The following MAPK4 variants were observed in gnomAD, a reference collection of about 807,000 sequenced individuals.
MAPK4 encodes the protein Erk3-related.
In MAPK4, 22 loss-of-function variants were observed where a neutral mutation model predicts 47.7. The observed-to-expected ratio is 0.46, with a 90% CI of 0.33 to 0.66. The LOEUF is 0.66. Among genes scored for constraint, MAPK4 ranks in the 30% least tolerant of loss-of-function variants. The probability of loss-of-function intolerance (pLI) is 0.02; values close to 1 mark genes in which losing one functional copy is unlikely to be tolerated. For missense variants in MAPK4, 736 were observed against 831.7 expected (o/e 0.88, Z 1.42); for synonymous variants, 390 against 365.7 (o/e 1.07, Z -0.76).
chr18:50,726,358 T>C (rs755037220), intron 5 of MAPK4, among the ~76,000 whole-genome samples, 183 bp downstream of exon 5: 1 of 152,024 alleles, frequency 6.6e-6, no homozygotes, highest in East Asian at 1.9e-4. Context: ...CCAGTGTGAG[T>C]TGCATGTGTG....
intron 1 of MAPK4, among the ~76,000 whole-genome samples, chr18:50,660,275 C>T (rs2043156030): frequency 6.6e-6 from 1 of 152,156 alleles, no homozygotes; most frequent in Admixed American, 6.5e-5. Flanking sequence ...GATTAGAGCA[C>T]TGAAACTCTA....
intron 4 of MAPK4, among the ~76,000 whole-genome samples, chr18:50,725,531 G>C (rs1156529861): frequency 1.3e-5 from 2 of 152,208 alleles, no homozygotes; most frequent in Non-Finnish European, 2.9e-5. Context: ...AACCACCTCT[G>C]AGTGTGGCCC....
intron 2 of MAPK4, among the ~76,000 whole-genome samples, chr18:50,685,476 C>T (rs1184571041): frequency 6.6e-6 from 1 of 152,220 alleles, no homozygotes; most frequent in Non-Finnish European, 1.5e-5. Flanking sequence ...CCAATGGACA[C>T]ATCTGCTTTA....
chr18:50,671,099 G>A (rs1391326431), intron 2 of MAPK4, among the ~76,000 whole-genome samples: 1 of 152,230 alleles, frequency 6.6e-6, no homozygotes, highest in Non-Finnish European at 1.5e-5. Context: ...ACACAGGTGT[G>A]TCTGAAGCAG....
At chr18:50,639,896 C>A (rs1202280243) in intron 1 of MAPK4, among the ~76,000 whole-genome samples, 1 of 152,228 alleles carries the variant, frequency 6.6e-6, no homozygotes, top group African/African-American at 2.4e-5. Context: ...TATTTATATA[C>A]TCTTCGCTCG....
chr18:50,714,358 G>C (rs748249887), intron 2 of MAPK4, among the ~76,000 whole-genome samples: 3 of 151,948 alleles, frequency 2.0e-5, no homozygotes, highest in Non-Finnish European at 2.9e-5. Context: ...ATATGTCCTC[G>C]CTATATACCA....
chr18:50,723,368 G>A (rs1911029073), intron 4 of MAPK4, among the ~76,000 whole-genome samples: 1 of 152,154 alleles, frequency 6.6e-6, no homozygotes. Flanking sequence ...CAGGCACACA[G>A]CCATTTCTCA....
At chr18:50,574,707 C>A (rs901850265) in intron 1 of MAPK4, among the ~76,000 whole-genome samples, 4 of 152,134 alleles carry the variant, frequency 2.6e-5, no homozygotes, top group Admixed American at 6.5e-5. Flanking sequence ...GCTTATTTTT[C>A]CAAGTTTTAA....
intron 1 of MAPK4, among the ~76,000 whole-genome samples, chr18:50,649,213 G>A (rs1181628834): frequency 6.6e-6 from 1 of 152,154 alleles, no homozygotes; most frequent in African/African-American, 2.4e-5. Flanking sequence ...GGCTTTCTGA[G>A]GCTAGGCCCC....
intron 2 of MAPK4, chr18:50,669,810 T>C (rs532060545): frequency 6.6e-6 from 1 of 152,352 alleles, no homozygotes; most frequent in East Asian, 1.9e-4. Flanking sequence ...CCTCATTCTA[T>C]CTCTCTAAGG....
chr18:50,578,086 A>T (rs1001866660), intron 1 of MAPK4, among the ~76,000 whole-genome samples: 1 of 152,176 alleles, frequency 6.6e-6, no homozygotes, highest in Non-Finnish European at 1.5e-5. Context: ...CACAGACTGC[A>T]TGTGTTGCCT....
At chr18:50,600,376 T>A (rs1164661664) in intron 1 of MAPK4, among the ~76,000 whole-genome samples, 1 of 152,218 alleles carries the variant, frequency 6.6e-6, no homozygotes, top group African/African-American at 2.4e-5. Flanking sequence ...TCTGATTGGT[T>A]GAAGGCATTC....
intron 1 of MAPK4, among the ~76,000 whole-genome samples, chr18:50,603,173 A>G (rs534763772): frequency 6.6e-6 from 1 of 152,132 alleles, no homozygotes; most frequent in African/African-American, 2.4e-5. Context: ...CCCATGGGCC[A>G]TGACCACTGG....
intron 1 of MAPK4, among the ~76,000 whole-genome samples, chr18:50,640,400 A>AT (rs2042929902): frequency 6.7e-6 from 1 of 149,678 alleles, no homozygotes; most frequent in East Asian, 1.9e-4. Context: ...AAAAAAAAAA[A>AT]TTATATGGAT....
intron 1 of MAPK4, among the ~76,000 whole-genome samples, chr18:50,607,122 T>G (rs376497233): frequency 1.3e-5 from 2 of 152,206 alleles, no homozygotes; most frequent in East Asian, 3.8e-4. Context: ...CACCATTCTC[T>G]TAGTCCTCAT....
chr18:50,575,775 T>G (rs1003453168), intron 1 of MAPK4, among the ~76,000 whole-genome samples: 6 of 130,012 alleles, frequency 4.6e-5, no homozygotes, highest in Non-Finnish European at 9.6e-5. Context: ...TATTAGGAAC[T>G]TAAATGAATC....
At chr18:50,626,200 T>C (rs1460036494) in intron 1 of MAPK4, among the ~76,000 whole-genome samples, 1 of 152,176 alleles carries the variant, frequency 6.6e-6, no homozygotes, top group East Asian at 1.9e-4. Flanking sequence ...GCAAATCTCA[T>C]CCAAAAACAT....
intron 1 of MAPK4, among the ~76,000 whole-genome samples, chr18:50,575,642 A>G (rs2149360284): frequency 6.6e-6 from 1 of 152,282 alleles, no homozygotes; most frequent in East Asian, 1.9e-4. Flanking sequence ...AATGGAACCT[A>G]ATTAAACTAA....
At chr18:50,647,300 A>G (rs954135431) in intron 1 of MAPK4, among the ~76,000 whole-genome samples, 2 of 152,216 alleles carry the variant, frequency 1.3e-5, no homozygotes, top group Non-Finnish European at 2.9e-5. Context: ...TTTATTGAAA[A>G]TGGTCTGTAA....
Sources: gnomAD v4.1 joint callset for allele counts (sites outside exome capture counted in the v4.1 genomes callset) on GRCh38, gnomAD v4.1.1 for gene constraint, MANE v1.5 for transcripts, NCBI Gene and HGNC (gene_info 2026-07-23, HGNC 2026-07-21) for gene names.